The following CDC14B variants were observed in gnomAD, a reference collection of about 807,000 sequenced individuals.
The protein encoded by CDC14B is dual specificity protein phosphatase CDC14B.
A neutral mutation model predicts 64.2 loss-of-function variants in CDC14B; 22 were observed. That is an observed-to-expected ratio of 0.34 (90% CI 0.24 to 0.49). The LOEUF (loss-of-function observed/expected upper bound fraction) is 0.49. Ranked by LOEUF, CDC14B falls within the 20% of genes least tolerant of loss-of-function variation. The pLI is 0.99. For missense variants in CDC14B, 498 were observed against 629.9 expected, an observed-to-expected ratio of 0.79 and a Z score of 2.24; for synonymous variants, 191 against 215.8, an observed-to-expected ratio of 0.89 and a Z score of 1.01.
intron 9 of CDC14B, among the ~76,000 whole-genome samples, chr9:96,530,286 T>C (rs1203397039): frequency 1.3e-5 from 2 of 149,552 alleles, no homozygotes; most frequent in African/African-American, 5.1e-5. Flanking sequence ...ATCTTGAGGG[T>C]TCTCTCTCTG....
At chr9:96,565,530 C>A (rs772647770) in intron 1 of CDC14B, 47 bp from the exon 2 acceptor site, 5 of 1,202,392 alleles carry the variant, frequency 4.2e-6, no homozygotes, top group Admixed American at 1.7e-5. Flanking sequence ...TTACAAAAAA[C>A]GTTTCATATA....
At chr9:96,587,033 C>T (rs1191842140) in intron 1 of CDC14B, among the ~76,000 whole-genome samples, 3 of 151,928 alleles carry the variant, frequency 2.0e-5, no homozygotes, top group African/African-American at 4.8e-5. Context: ...ATTAACCGGG[C>T]GTGTTGGCGT....
intron 1 of CDC14B, among the ~76,000 whole-genome samples, chr9:96,599,401 A>T (rs929769643): frequency 2.0e-5 from 3 of 152,088 alleles, no homozygotes; most frequent in African/African-American, 4.8e-5. Context: ...AAAGGAGAAG[A>T]AGTACTCAAA....
At chr9:96,509,383 A>C (rs1834602369) in intron 13 of CDC14B, among the ~76,000 whole-genome samples, 1 of 152,230 alleles carries the variant, frequency 6.6e-6, no homozygotes, top group Admixed American at 6.5e-5. Context: ...ATGTCCTCCA[A>C]GTCCTGACAG....
intron 13 of CDC14B, among the ~76,000 whole-genome samples, chr9:96,508,387 C>CAAATGTA: frequency 6.6e-6 from 1 of 152,230 alleles, no homozygotes; most frequent in South Asian, 2.1e-4. Context: ...GTATGACTCC[C>CAAATGTA]AATTCATTTG....
chr9:96,571,747 C>G (rs576881431), intron 1 of CDC14B, among the ~76,000 whole-genome samples: 1 of 152,070 alleles, frequency 6.6e-6, no homozygotes, highest in Non-Finnish European at 1.5e-5. Flanking sequence ...CTCAGAAAGC[C>G]GGCCTTGGGA....
At chr9:96,547,465 T>TAA (rs79522611) in intron 5 of CDC14B, among the ~76,000 whole-genome samples, 3 of 140,184 alleles carry the variant, frequency 2.1e-5, no homozygotes. Flanking sequence ...GAGTCTGTCT[T>TAA]AAAAAAAAAA....
intron 13 of CDC14B, among the ~76,000 whole-genome samples, chr9:96,508,885 A>G (rs1190049316): frequency 6.6e-6 from 1 of 152,208 alleles, no homozygotes; most frequent in Non-Finnish European, 1.5e-5. Flanking sequence ...AGGACATTTT[A>G]AAGTCTGGTT....
chr9:96,618,934 C>A (rs541309645), intron 1 of CDC14B, among the ~76,000 whole-genome samples: 3 of 152,200 alleles, frequency 2.0e-5, no homozygotes, highest in African/African-American at 7.2e-5. Flanking sequence ...CGGGCTGACG[C>A]CCGCAACTTA....
At chr9:96,557,893 C>T (rs1587959177) in intron 4 of CDC14B, among the ~76,000 whole-genome samples, 1 of 152,274 alleles carries the variant, frequency 6.6e-6, no homozygotes, top group Non-Finnish European at 1.5e-5. Context: ...ATTTTTTACA[C>T]AAAATGCTTG....
chr9:96,613,476 T>G (rs758888211), intron 1 of CDC14B, among the ~76,000 whole-genome samples: 1 of 152,230 alleles, frequency 6.6e-6, no homozygotes, highest in Non-Finnish European at 1.5e-5. Flanking sequence ...CCAACTACTC[T>G]GTATGTCCAC....
At chr9:96,553,278 T>C (rs1007445629) in intron 4 of CDC14B, among the ~76,000 whole-genome samples, 2 of 152,118 alleles carry the variant, frequency 1.3e-5, no homozygotes, top group African/African-American at 4.8e-5. Context: ...CCAAAGGGCA[T>C]TTCACCAATT....
intron 6 of CDC14B, among the ~76,000 whole-genome samples, chr9:96,541,476 C>T (rs111620794): frequency 6.6e-6 from 1 of 152,210 alleles, no homozygotes; most frequent in African/African-American, 2.4e-5. Flanking sequence ...ATAGAATATA[C>T]AAATCAAAGA....
intron 1 of CDC14B, among the ~76,000 whole-genome samples, chr9:96,602,629 A>C (rs1473974929): frequency 1.3e-5 from 2 of 152,116 alleles, no homozygotes; most frequent in African/African-American, 2.4e-5. Context: ...AGAACAGCAC[A>C]GGAAAGACCT....
intron 6 of CDC14B, 56 bp from the exon 7 acceptor site, chr9:96,539,196 C>T (rs1839706231): frequency 8.1e-7 from 1 of 1,237,320 alleles, no homozygotes; most frequent in Non-Finnish European, 1.2e-6. Flanking sequence ...AAACAGTTTC[C>T]TATCCAATTT....
At chr9:96,597,281 G>T (rs943916731) in intron 1 of CDC14B, among the ~76,000 whole-genome samples, 1 of 152,080 alleles carries the variant, frequency 6.6e-6, no homozygotes, top group African/African-American at 2.4e-5. Context: ...ATCACCTGAG[G>T]TCAGGAGTTC....
chr9:96,524,974 C>T (rs1448825270), intron 9 of CDC14B, among the ~76,000 whole-genome samples: 1 of 152,166 alleles, frequency 6.6e-6, no homozygotes, highest in Non-Finnish European at 1.5e-5. Flanking sequence ...GACAACCTTG[C>T]ATATTTAGCA....
chr9:96,558,401 A>G (rs979988458), intron 4 of CDC14B, among the ~76,000 whole-genome samples: 4 of 152,246 alleles, frequency 2.6e-5, no homozygotes, highest in African/African-American at 9.6e-5. Context: ...TAAAACTATC[A>G]CATGTAACCC....
At chr9:96,578,095 G>C (rs1033873245) in intron 1 of CDC14B, among the ~76,000 whole-genome samples, 2 of 152,212 alleles carry the variant, frequency 1.3e-5, no homozygotes, top group African/African-American at 4.8e-5. Context: ...GGTGGGAGAA[G>C]AGTGTGATAC....
Sources: allele counts gnomAD v4.1 joint callset (sites outside exome capture counted in the v4.1 genomes callset), GRCh38; gene constraint gnomAD v4.1.1; transcripts MANE v1.5; gene names NCBI Gene and HGNC (gene_info 2026-07-23, HGNC 2026-07-21).